The following ADAMTSL1 variants were observed in gnomAD, a reference collection of about 807,000 sequenced individuals.
The protein encoded by ADAMTSL1 is ADAMTS like 1.
ADAMTSL1 carries 126 observed loss-of-function variants against 201.8 expected under a neutral mutation model. The observed-to-expected ratio is 0.62, with a 90% CI of 0.54 to 0.72. ADAMTSL1 has a LOEUF of 0.72. ADAMTSL1 is among the 30% of genes least tolerant of loss of function. ADAMTSL1 has a pLI of 0.00. For synonymous variants in ADAMTSL1, 1,121 were observed against 903.4 expected, an observed-to-expected ratio of 1.24 and a Z score of -4.32; for missense variants, 2,679 against 2,277.8, an observed-to-expected ratio of 1.18 and a Z score of -3.59.
intron 19 of ADAMTSL1, among the ~76,000 whole-genome samples, chr9:18,789,000 G>A (rs552875552): frequency 1.6e-4 from 25 of 152,190 alleles, no homozygotes; most frequent in South Asian, 1.5e-3. Context: ...CCAACCCAAC[G>A]TGCTACGTGG....
intron 21 of ADAMTSL1, among the ~76,000 whole-genome samples, chr9:18,819,961 G>A (rs898984874): frequency 6.6e-6 from 1 of 152,190 alleles, no homozygotes; most frequent in African/African-American, 2.4e-5. Context: ...GCTGCTATAA[G>A]CAGCTCTTAA....
At chr9:18,686,938 A>T (rs1481165679) in intron 13 of ADAMTSL1, among the ~76,000 whole-genome samples, 1 of 152,206 alleles carries the variant, frequency 6.6e-6, no homozygotes, top group East Asian at 1.9e-4. Context: ...TAAAGTAGTT[A>T]AAAAAGTTTT....
intron 15 of ADAMTSL1, among the ~76,000 whole-genome samples, chr9:18,741,377 A>G (rs1406193245): frequency 2.6e-5 from 4 of 152,186 alleles, no homozygotes; most frequent in African/African-American, 9.7e-5. Context: ...ATTATCATGA[A>G]AGGAAAGAGG....
chr9:18,399,304 T>TAC (rs1453269766), intron 2 of ADAMTSL1, among the ~76,000 whole-genome samples: 1 of 113,216 alleles, frequency 8.8e-6, no homozygotes, highest in Non-Finnish European at 1.9e-5. Flanking sequence ...TATATATATA[T>TAC]ATATATATAT....
chr9:18,114,168 T>G (rs932689439), intron 1 of ADAMTSL1, among the ~76,000 whole-genome samples: 2 of 152,158 alleles, frequency 1.3e-5, no homozygotes, highest in African/African-American at 2.4e-5. Flanking sequence ...CTGAAGATAC[T>G]CATTGGATTT....
intron 2 of ADAMTSL1, among the ~76,000 whole-genome samples, chr9:18,523,046 C>T (rs955437048): frequency 2.6e-5 from 4 of 152,174 alleles, no homozygotes; most frequent in African/African-American, 4.8e-5. Context: ...AACCAGTTTA[C>T]ACTCCCACCA....
chr9:18,867,411 C>A (rs1588270969), intron 23 of ADAMTSL1, among the ~76,000 whole-genome samples: 1 of 152,194 alleles, frequency 6.6e-6, no homozygotes, highest in African/African-American at 2.4e-5. Flanking sequence ...ATTGTTTAGA[C>A]ACAGAGTCAT....
intron 2 of ADAMTSL1, among the ~76,000 whole-genome samples, chr9:18,305,634 C>G (rs904442346): frequency 6.6e-6 from 1 of 152,216 alleles, no homozygotes; most frequent in African/African-American, 2.4e-5. Context: ...AGCAAAGCCA[C>G]TGTAGCCAGA....
intron 1 of ADAMTSL1, among the ~76,000 whole-genome samples, chr9:17,921,258 C>A (rs1054278306): frequency 2.0e-5 from 3 of 152,090 alleles, no homozygotes; most frequent in Non-Finnish European, 4.4e-5. Flanking sequence ...AAACTTCACT[C>A]ATCTCCCTCT....
At chr9:18,889,518 T>C in intron 24 of ADAMTSL1, 50 bp from the exon 25 acceptor site, 1 of 1,585,424 alleles carries the variant, frequency 6.3e-7, no homozygotes, top group Non-Finnish European at 8.6e-7. Flanking sequence ...ATTCAGAGTG[T>C]GGGCAATTAT....
chr9:18,254,643 G>T (rs968442775), intron 2 of ADAMTSL1, among the ~76,000 whole-genome samples: 1 of 151,044 alleles, frequency 6.6e-6, no homozygotes, highest in Non-Finnish European at 1.5e-5. Context: ...GATTACAGGC[G>T]TGAGCCACCG....
intron 2 of ADAMTSL1, among the ~76,000 whole-genome samples, chr9:18,390,569 C>A (rs1838002735): frequency 1.3e-5 from 2 of 152,212 alleles, no homozygotes; most frequent in African/African-American, 4.8e-5. Flanking sequence ...CAGCTATTTT[C>A]CCTGTTAGTA....
intron 1 of ADAMTSL1, among the ~76,000 whole-genome samples, chr9:18,107,310 C>T (rs1587066773): frequency 6.6e-6 from 1 of 152,266 alleles, no homozygotes; most frequent in East Asian, 1.9e-4. Flanking sequence ...GCTCCATGTA[C>T]ATGAATTTTG....
chr9:18,738,119 A>T (rs147307047), intron 15 of ADAMTSL1, among the ~76,000 whole-genome samples: 2 of 152,328 alleles, frequency 1.3e-5, no homozygotes, highest in Admixed American at 1.3e-4. Flanking sequence ...AGTTGCTAAA[A>T]ATGCACTAAG....
intron 9 of ADAMTSL1, 45 bp downstream of exon 9, chr9:18,662,118 T>C: frequency 1.9e-6 from 3 of 1,585,214 alleles, no homozygotes; most frequent in Non-Finnish European, 2.6e-6. Flanking sequence ...ATAACTCAAG[T>C]TCCAAATAGG....
intron 15 of ADAMTSL1, among the ~76,000 whole-genome samples, chr9:18,725,513 C>A (rs1454652375): frequency 1.3e-5 from 2 of 152,190 alleles, no homozygotes; most frequent in African/African-American, 4.8e-5. Flanking sequence ...ATATCATCCA[C>A]CCAGTCCTTC....
At chr9:17,955,737 TTTA>T (rs2131384433) in intron 1 of ADAMTSL1, among the ~76,000 whole-genome samples, 1 of 152,272 alleles carries the variant, frequency 6.6e-6, no homozygotes, top group South Asian at 2.1e-4. Context: ...ATTGTTCTAC[TTTA>T]TTATTATAGT....
At chr9:18,063,338 G>C (rs979155319) in intron 1 of ADAMTSL1, among the ~76,000 whole-genome samples, 27 of 152,310 alleles carry the variant, frequency 1.8e-4, no homozygotes, top group African/African-American at 4.6e-4. Context: ...AGGAGAGCAA[G>C]AGCCCACTAT....
intron 1 of ADAMTSL1, among the ~76,000 whole-genome samples, chr9:17,933,239 G>A (rs1187635496): frequency 6.6e-6 from 1 of 152,024 alleles, no homozygotes; most frequent in Non-Finnish European, 1.5e-5. Context: ...AGTCTTCCTT[G>A]GCTTGTGGCT....
Sources: gnomAD v4.1 joint callset for allele counts (sites outside exome capture counted in the v4.1 genomes callset) on GRCh38, gnomAD v4.1.1 for gene constraint, MANE v1.5 for transcripts, NCBI Gene and HGNC (gene_info 2026-07-23, HGNC 2026-07-21) for gene names.